Variants in DCHS2 observed in about 807,000 individuals in gnomAD.
The protein encoded by DCHS2 is protocadherin-23.
In DCHS2, 142 loss-of-function variants were observed where a neutral mutation model predicts 182.4. The ratio of observed to expected loss-of-function variants is 0.78; its 90% confidence interval spans 0.68 to 0.89. The LOEUF (loss-of-function observed/expected upper bound fraction) is 0.89. Ranked by LOEUF, DCHS2 falls within the 40% of genes least tolerant of loss-of-function variation. The probability of loss-of-function intolerance (pLI) is 0.00; values close to 1 mark genes in which losing one functional copy is unlikely to be tolerated. For synonymous variants in DCHS2, 1,740 were observed against 1,663.3 expected (o/e 1.05, Z -1.12); for missense variants, 4,319 against 4,198.6 (o/e 1.03, Z -0.79).
At chr4:154,452,484 T>C (rs1268286731) in intron 1 of DCHS2, among the ~76,000 whole-genome samples, 1 of 151,722 alleles carries the variant, frequency 6.6e-6, no homozygotes, top group African/African-American at 2.4e-5. Context: ...ATTAGCCAGG[T>C]GTGGTGGCAC....
intron 1 of DCHS2, among the ~76,000 whole-genome samples, chr4:154,409,074 G>A (rs575798769): frequency 1.2e-3 from 182 of 152,312 alleles, no homozygotes; most frequent in Non-Finnish European, 1.8e-3. Context: ...CTAAGCTGAC[G>A]TGGAGCCCCA....
At chr4:154,417,707 A>G (rs1467364192) in intron 1 of DCHS2, among the ~76,000 whole-genome samples, 2 of 152,124 alleles carry the variant, frequency 1.3e-5, no homozygotes, top group African/African-American at 2.4e-5. Context: ...GGCCAGGGGG[A>G]AAAAAGTGTC....
intron 1 of DCHS2, among the ~76,000 whole-genome samples, chr4:154,392,919 G>A (rs1731772171): frequency 6.6e-6 from 1 of 152,140 alleles, no homozygotes; most frequent in Non-Finnish European, 1.5e-5. Context: ...CTTCATTGAT[G>A]CAGCTTTAAT....
chr4:154,405,014 A>C (rs538819161), intron 1 of DCHS2, among the ~76,000 whole-genome samples: 1 of 152,300 alleles, frequency 6.6e-6, no homozygotes, highest in African/African-American at 2.4e-5. Flanking sequence ...TGGGAGGCTG[A>C]GGTGGCTGGA....
chr4:154,469,132 C>G (rs1735357439), intron 1 of DCHS2, among the ~76,000 whole-genome samples: 1 of 151,962 alleles, frequency 6.6e-6, no homozygotes, highest in Admixed American at 6.6e-5. Flanking sequence ...CAGAGAAACA[C>G]TGGAAAGACA....
chr4:154,401,825 T>C (rs945009532), intron 1 of DCHS2, among the ~76,000 whole-genome samples: 2 of 152,156 alleles, frequency 1.3e-5, no homozygotes, highest in Non-Finnish European at 1.5e-5. Context: ...AAACCCCATC[T>C]CTATTAAAAA....
chr4:154,410,499 A>AAAGG (rs1732582155), intron 1 of DCHS2, among the ~76,000 whole-genome samples: 5 of 130,430 alleles, frequency 3.8e-5, no homozygotes, highest in African/African-American at 6.1e-5. Context: ...AAATATAATG[A>AAAGG]AAAAGAGTGA....
chr4:154,235,100 G>C lies in DCHS2; in HGVS notation c.9552C>G (p.Pro3184=). The change falls in exon 20 of 20, where the codon CCC becomes CCG. Residue 3184 remains proline, a synonymous_variant. Transcript: ENST00000357232. ...TTGCCTCTCTCTTCTGAACTGTCTG[G>C]GGTAACACATTATTTTGAGCACAGG... The part of the protein sequence containing the change: ...STTCAQNNVL[P]QTVQKREAKE... The C allele has an allele frequency of 1.2e-6, 2 of 1,613,894 alleles. No individual in the cohort carries two copies. The highest frequency in any genetic ancestry group is 8.5e-7 in the Non-Finnish European group (1 of 1,179,932).
At chr4:154,268,628 G>T (rs533393767) in intron 14 of DCHS2, among the ~76,000 whole-genome samples, 1 of 152,146 alleles carries the variant, frequency 6.6e-6, no homozygotes, top group Non-Finnish European at 1.5e-5. Flanking sequence ...ATAAGGGTGG[G>T]CTACCTTAAT....
rs530337804 is a variant in DCHS2, at chr4:154,248,784, C to G, written c.6942-6012G>C. ...TAGAAAACTTAGAAATAGAACCACACACGTACAACCATTCAATCTTTGACA... is the reference window on the plus strand; with the variant it reads ...TAGAAAACTTAGAAATAGAACCACAGACGTACAACCATTCAATCTTTGACA... On this transcript the variant is annotated intron_variant, in intron 16 of 19. Coordinates refer to ENST00000357232, the MANE Select transcript of DCHS2 (RefSeq NM_001358235.2). Among the ~76,000 whole-genome samples the G allele has an allele frequency of 8.5e-5, 13 of 152,246 alleles. No individual in the cohort carries two copies. The East Asian group carries it at 2.5e-3, about 29-fold the overall frequency.
In DCHS2 at chr4:154,372,952, G is replaced by T. The variant is rs190830485; in HGVS notation, c.2244+4301C>A. ...TCTACTGGCAGATAAAAATCTCTTA[G>T]TAACCACCAGCAAATGGGTTCTCAG... On this transcript the variant is annotated intron_variant, in intron 2 of 19. Coordinates refer to ENST00000357232, the MANE Select transcript of DCHS2 (RefSeq NM_001358235.2). Among the ~76,000 whole-genome samples, 3 of 152,248 alleles carry T rather than the reference G, an allele frequency of 2.0e-5. No homozygotes were observed. In the East Asian group the frequency reaches 5.8e-4, roughly 29 times the overall value.
At chr4:154,331,656 C>G (rs1403931410) in intron 5 of DCHS2, 3 of 1,613,970 alleles carry the variant, frequency 1.9e-6, no homozygotes, top group Non-Finnish European at 2.5e-6. Flanking sequence ...CAAAGTCTGT[C>G]CCACTAAAGG....
intron 3 of DCHS2, among the ~76,000 whole-genome samples, chr4:154,351,932 C>T (rs939399431): frequency 6.6e-6 from 1 of 152,066 alleles, no homozygotes; most frequent in African/African-American, 2.4e-5. Flanking sequence ...GCACTGATTG[C>T]TTTTAGGCAT....
At chr4:154,256,061 T>C (rs897705244) in intron 15 of DCHS2, among the ~76,000 whole-genome samples, 4 of 152,228 alleles carry the variant, frequency 2.6e-5, no homozygotes, top group Non-Finnish European at 1.5e-5. Context: ...GTGATAATTT[T>C]TTTTTCATTT....
intron 1 of DCHS2, among the ~76,000 whole-genome samples, chr4:154,420,520 G>A: frequency 6.6e-6 from 1 of 152,114 alleles, no homozygotes. Context: ...TGAGATTTGG[G>A]GCAGGACACT....
chr4:154,352,470 C>T (rs1030723473), intron 3 of DCHS2: 9 of 152,136 alleles, frequency 5.9e-5, no homozygotes, highest in Non-Finnish European at 8.8e-5. Context: ...TGTAAATGTT[C>T]CCAATTTCTG....
At chr4:154,340,183 CTT>C (rs953775535) in intron 3 of DCHS2, among the ~76,000 whole-genome samples, 3 of 152,050 alleles carry the variant, frequency 2.0e-5, no homozygotes, top group Admixed American at 1.3e-4. Context: ...GCAGAGCACA[CTT>C]CCTTAAAAAT....
chr4:154,383,892 A>T (rs1325803554), intron 1 of DCHS2, among the ~76,000 whole-genome samples: 1 of 152,218 alleles, frequency 6.6e-6, no homozygotes, highest in Non-Finnish European at 1.5e-5. Context: ...TAGTGGAAAA[A>T]AAAATAGCAG....
In DCHS2 at chr4:154,333,352, C is replaced by T. The variant is rs747146609; in HGVS notation, c.2856G>A (p.Ala952=). 1.9e-6 allele frequency: 3 copies of T among 1,614,162 alleles called. No homozygotes were observed. Among genetic ancestry groups the T allele is most frequent in the South Asian group, 2.2e-5 (2 of 91,084 alleles). Residue 952 remains alanine, a synonymous_variant, in exon 5 of 20, where the codon GCG becomes GCA. Transcript: ENST00000357232. Reference sequence around the variant, plus strand: ...TGCAGGCTGGGGCGCTGCCGAGCTGCGCCTGCACCGTGAGCACAACCACGG... The same window carrying T: ...TGCAGGCTGGGGCGCTGCCGAGCTGTGCCTGCACCGTGAGCACAACCACGG... The part of the protein sequence containing the change: ...TQPVVVLTVQ[A]QLGSAPACSS...
Sources: gnomAD v4.1 joint callset for allele counts (sites outside exome capture counted in the v4.1 genomes callset) on GRCh38, gnomAD v4.1.1 for gene constraint, MANE v1.5 for transcripts, NCBI Gene and HGNC (gene_info 2026-07-23, HGNC 2026-07-21) for gene names.